Variants in GSTA5 observed in about 807,000 individuals in gnomAD.
GSTA5 encodes glutathione S-transferase A5.
GSTA5 carries 25 observed loss-of-function variants against 21.8 expected under a neutral mutation model. The ratio of observed to expected loss-of-function variants is 1.14; its 90% CI spans 0.83 to 1.60. The LOEUF is 1.60. GSTA5 is among the 40% of genes most tolerant of loss of function. The probability of loss-of-function intolerance (pLI) is 0.00; values close to 1 mark genes in which losing one functional copy is unlikely to be tolerated. For missense variants in GSTA5, 330 were observed against 259.2 expected, an observed-to-expected ratio of 1.27 and a Z score of -1.88; for synonymous variants, 102 against 89.5, an observed-to-expected ratio of 1.14 and a Z score of -0.78.
chr6:52,841,076 G>A (rs1764372005), upstream of GSTA5, among the ~76,000 whole-genome samples: 1 of 152,210 alleles, frequency 6.6e-6, no homozygotes, highest in Non-Finnish European at 1.5e-5. Context: ...AGAGGTGAGA[G>A]TATGTGGTAA....
In GSTA5 at chr6:52,837,611, T is replaced by C. The variant is rs754615294; in HGVS notation, c.88-2A>G. 2 of 1,604,638 alleles carry C rather than the reference T, an allele frequency of 1.2e-6. No homozygotes were observed. Among genetic ancestry groups the C allele is most frequent in the Admixed American group, 3.3e-5 (2 of 59,910 alleles). On this transcript the variant is annotated splice_acceptor_variant, in intron 1 of 5. Transcript: ENST00000370989. LOFTEE classifies it high-confidence loss of function. ...AGATTCTAGAAATTTCTCTTCCAAC[T>C]GGAAGCAGAAACAGTAAATGGGTTC...
intron 1 of GSTA5, among the ~76,000 whole-genome samples, chr6:52,840,503 C>T (rs1764357285): frequency 6.6e-6 from 1 of 152,182 alleles, no homozygotes; most frequent in African/African-American, 2.4e-5. Context: ...TTAAGTTCTA[C>T]ACTTTTTGAT....
chr6:52,844,865 A>G (rs1224007180), upstream of GSTA5, among the ~76,000 whole-genome samples: 1 of 152,126 alleles, frequency 6.6e-6, no homozygotes, highest in African/African-American at 2.4e-5. Context: ...TGATCTATCT[A>G]TCCATTAATT....
rs769477370 is a variant in GSTA5, at chr6:52,831,978, C to T, written c.547-8G>A. 4.3e-6 allele frequency: 7 copies of T among 1,610,538 alleles called. No homozygotes were observed. In the African/African-American group the frequency reaches 8.1e-5, roughly 19 times the overall value. On this transcript the variant is annotated splice_polypyrimidine_tract_variant and splice_region_variant and intron_variant, in intron 5 of 5. Transcript: ENST00000370989. ...GATTCTGGTTTTCAGGGCCTGTAAT[C>T]CACAAAGCACAGCCTCAGAGTGAAG...
intron 1 of GSTA5, 115 bp from the exon 2 acceptor site, chr6:52,837,724 C>A (rs1290078249): frequency 8.1e-6 from 6 of 741,416 alleles, no homozygotes; most frequent in Non-Finnish European, 1.1e-5. Flanking sequence ...CTGAGTTTCG[C>A]AGGATATACA....
At chr6:52,837,366 C>A (rs73439351) in intron 2 of GSTA5, among the ~76,000 whole-genome samples, 192 bp downstream of exon 2, 3,492 of 152,274 alleles carry the variant, frequency 0.023, 134 homozygotes, top group African/African-American at 0.078. Flanking sequence ...TCTGAGAGGT[C>A]TGGTCCTTTT....
Position 52,832,857 on chromosome 6 carries a change from A to G in GSTA5, c.546+2T>C, listed in dbSNP as rs760831825. ...GTCTCTCTGGGCTGTGAAATGGGTC[A>G]CCTTCAGCAGAGGGAAGCTGGAGAT... On this transcript the variant is annotated splice_donor_variant, in intron 5 of 5. Coordinates refer to ENST00000370989, the Ensembl canonical transcript of GSTA5. LOFTEE classifies it high-confidence loss of function. 10 of 1,613,650 alleles carry G rather than the reference A, an allele frequency of 6.2e-6. No homozygotes were observed. In the East Asian group the frequency reaches 1.3e-4, roughly 22 times the overall value.
intron 2 of GSTA5, 92 bp downstream of exon 2, chr6:52,837,466 C>T: frequency 1.3e-6 from 1 of 779,610 alleles, no homozygotes. Context: ...TAAATATCAC[C>T]CCCCACACAC....
At chr6:52,831,786 C>T (rs1764217893) in exon 6 of GSTA5, 5 of 1,597,114 alleles carry the variant, frequency 3.1e-6, no homozygotes, top group Middle Eastern at 1.7e-4. Context: ...AGGTAAAGCA[C>T]TTCATTGTTG....
At chr6:52,840,776 C>G (rs373314602) in exon 1 of GSTA5, 5 of 1,613,998 alleles carry the variant, frequency 3.1e-6, no homozygotes, top group Non-Finnish European at 3.4e-6. Context: ...CATACTGCCC[C>G]GTGCATTGGA....
At chr6:52,844,959 AT>A (rs1271279122), upstream of GSTA5, among the ~76,000 whole-genome samples, 1 of 152,112 alleles carries the variant, frequency 6.6e-6, no homozygotes, top group Non-Finnish European at 1.5e-5. Context: ...TATTTTATCT[AT>A]CAATCGTTCT....
At chr6:52,845,541 A>G (rs1253950550), upstream of GSTA5, among the ~76,000 whole-genome samples, 1 of 152,236 alleles carries the variant, frequency 6.6e-6, no homozygotes, top group Non-Finnish European at 1.5e-5. Context: ...CTCCAGAGAC[A>G]GAATATGACT....
intron 3 of GSTA5, among the ~76,000 whole-genome samples, chr6:52,834,814 A>G (rs1394912906): frequency 6.6e-6 from 1 of 152,146 alleles, no homozygotes; most frequent in Non-Finnish European, 1.5e-5. Flanking sequence ...TCTTCCAATT[A>G]CACCCATGAA....
intron 1 of GSTA5, among the ~76,000 whole-genome samples, chr6:52,839,015 A>G (rs1358771953): frequency 6.6e-6 from 1 of 152,180 alleles, no homozygotes; most frequent in East Asian, 1.9e-4. Context: ...GGCTTGCTCC[A>G]TGGAACAGAA....
chr6:52,841,042 C>T (rs563314392), upstream of GSTA5, among the ~76,000 whole-genome samples: 18 of 152,072 alleles, frequency 1.2e-4, no homozygotes, highest in Non-Finnish European at 2.4e-4. Context: ...TCATTGTTTA[C>T]CTGTGACTTT....
chr6:52,832,764 G>A (rs1764234392), intron 5 of GSTA5, 95 bp downstream of exon 5: 4 of 1,577,668 alleles, frequency 2.5e-6, no homozygotes, highest in Non-Finnish European at 3.5e-6. Context: ...GGCTGGAGAA[G>A]GGTGGGGTCA....
chr6:52,832,853 G>A lies in GSTA5; in HGVS notation c.546+6C>T. The A allele has an allele frequency of 6.2e-7, 1 of 1,613,764 alleles. No individual in the cohort carries two copies. The highest frequency in any genetic ancestry group is 8.5e-7 in the Non-Finnish European group (1 of 1,179,838). ...GGCTGTCTCTCTGGGCTGTGAAATG[G>A]GTCACCTTCAGCAGAGGGAAGCTGG... On this transcript the variant is annotated splice_donor_region_variant and intron_variant, in intron 5 of 5. Transcript: ENST00000370989.
intron 5 of GSTA5, 80 bp from the exon 6 acceptor site, chr6:52,832,050 C>G: frequency 5.8e-6 from 9 of 1,542,632 alleles, no homozygotes; most frequent in Non-Finnish European, 7.8e-6. Flanking sequence ...ATGTGAGCCC[C>G]TCATGCCAAA....
At chr6:52,838,697 A>T (rs150377530) in intron 1 of GSTA5, among the ~76,000 whole-genome samples, 50 of 152,292 alleles carry the variant, frequency 3.3e-4, no homozygotes, top group African/African-American at 1.1e-3. Context: ...ATCAAACCAA[A>T]AGTCTAAGCA....
Sources: gnomAD v4.1 joint callset for allele counts (sites outside exome capture counted in the v4.1 genomes callset) on GRCh38, gnomAD v4.1.1 for gene constraint, MANE v1.5 for transcripts, NCBI Gene and HGNC (gene_info 2026-07-23, HGNC 2026-07-21) for gene names.